Variants in GRID2 observed in about 807,000 individuals in gnomAD.
GRID2 encodes glutamate receptor ionotropic, delta-2.
A neutral mutation model predicts 114.8 loss-of-function variants in GRID2; 33 were observed. The observed-to-expected ratio is 0.29, with a 90% CI of 0.22 to 0.38. The LOEUF (loss-of-function observed/expected upper bound fraction) is 0.38. GRID2 is among the 10% of genes least tolerant of loss of function. The pLI is 1.00. For missense variants in GRID2, 1,184 were observed against 1,257.7 expected (o/e 0.94, Z 0.89); for synonymous variants, 505 against 449.9 (o/e 1.12, Z -1.55).
chr4:93,516,914 C>G (rs1051439385), intron 13 of GRID2, among the ~76,000 whole-genome samples: 1 of 152,074 alleles, frequency 6.6e-6, no homozygotes, highest in African/African-American at 2.4e-5. Context: ...AAAGCTCCCC[C>G]TGCCTTATAA....
intron 13 of GRID2, among the ~76,000 whole-genome samples, chr4:93,612,483 A>G (rs886202525): frequency 2.4e-5 from 3 of 125,770 alleles, no homozygotes; most frequent in Admixed American, 7.9e-5. Context: ...CGCTTCCTTC[A>G]GGAGCTCTTT....
At chr4:93,694,142 A>C (rs1223203072) in intron 14 of GRID2, among the ~76,000 whole-genome samples, 1 of 152,158 alleles carries the variant, frequency 6.6e-6, no homozygotes, top group Non-Finnish European at 1.5e-5. Flanking sequence ...TGAACTCAGT[A>C]ATCACTACAC....
At chr4:93,682,450 T>A (rs1725654088) in intron 14 of GRID2, among the ~76,000 whole-genome samples, 1 of 151,878 alleles carries the variant, frequency 6.6e-6, no homozygotes, top group African/African-American at 2.4e-5. Context: ...CAAAGGACTA[T>A]AAATCATGCT....
chr4:93,300,834 G>A (rs1754795169), intron 8 of GRID2, among the ~76,000 whole-genome samples: 1 of 152,204 alleles, frequency 6.6e-6, no homozygotes, highest in African/African-American at 2.4e-5. Flanking sequence ...TGAAAGTGTT[G>A]TGATTGATTT....
chr4:92,606,753 A>G (rs1466651615), intron 2 of GRID2, among the ~76,000 whole-genome samples: 1 of 151,914 alleles, frequency 6.6e-6, no homozygotes, highest in Non-Finnish European at 1.5e-5. Context: ...TCCTATTTTG[A>G]GTTGCCATTG....
intron 7 of GRID2, among the ~76,000 whole-genome samples, chr4:93,234,881 GC>G (rs1746588827): frequency 6.6e-6 from 1 of 151,958 alleles, no homozygotes; most frequent in South Asian, 2.1e-4. Context: ...ACACACATCT[GC>G]AGGTTACAAG....
chr4:92,783,726 C>T (rs1049329846), intron 2 of GRID2, among the ~76,000 whole-genome samples: 2 of 151,840 alleles, frequency 1.3e-5, no homozygotes, highest in Non-Finnish European at 2.9e-5. Context: ...TTACAAAAAA[C>T]AAACAAAAAA....
In GRID2 at chr4:93,656,746, C is replaced by G. The variant is rs150099448; in HGVS notation, c.2360+30311C>G. On this transcript the variant is annotated intron_variant, in intron 14 of 15. Transcript: ENST00000282020. ...TCGGGAGGCTGAGGCAGGAGAATGCCGTGAACCCGGGAGGCAGAGCTTGCC... is the reference window on the plus strand; with the variant it reads ...TCGGGAGGCTGAGGCAGGAGAATGCGGTGAACCCGGGAGGCAGAGCTTGCC... Among the ~76,000 whole-genome samples the G allele has an allele frequency of 6.5e-3, 813 of 125,110 alleles. 54 individuals carry two copies. Among genetic ancestry groups the G allele is most frequent in the African/African-American group, 0.022 (797 of 35,848 alleles). 82.1% of individuals were successfully genotyped at this position (125,110 alleles called of 152,430 possible).
intron 2 of GRID2, among the ~76,000 whole-genome samples, chr4:92,632,177 A>G (rs1007052355): frequency 6.6e-6 from 1 of 152,150 alleles, no homozygotes; most frequent in Non-Finnish European, 1.5e-5. Context: ...ATCTTTTAGC[A>G]TCCTTGCTAA....
chr4:93,060,100 G>C (rs779337530), intron 2 of GRID2, among the ~76,000 whole-genome samples: 15 of 152,010 alleles, frequency 9.9e-5, no homozygotes, highest in Non-Finnish European at 1.6e-4. Flanking sequence ...TTTTCATGGA[G>C]AGAGTTTGCT....
At chr4:92,963,020 A>G (rs978823677) in intron 2 of GRID2, among the ~76,000 whole-genome samples, 2 of 152,010 alleles carry the variant, frequency 1.3e-5, no homozygotes, top group Admixed American at 6.6e-5. Flanking sequence ...CCACTGTGCT[A>G]TAGTCTCTTA....
intron 13 of GRID2, among the ~76,000 whole-genome samples, chr4:93,619,083 A>G (rs1741975896): frequency 6.6e-6 from 1 of 152,202 alleles, no homozygotes; most frequent in African/African-American, 2.4e-5. Context: ...ATACATTCAT[A>G]TATTCTTTTT....
chr4:92,860,000 G>T (rs962909488), intron 2 of GRID2, among the ~76,000 whole-genome samples: 2 of 152,116 alleles, frequency 1.3e-5, no homozygotes, highest in African/African-American at 4.8e-5. Context: ...GCTGCCTCTA[G>T]CTGAGAACCA....
chr4:92,801,335 T>C (rs914859375), intron 2 of GRID2, among the ~76,000 whole-genome samples: 3 of 152,006 alleles, frequency 2.0e-5, no homozygotes, highest in Non-Finnish European at 4.4e-5. Context: ...TTATGGCATA[T>C]TAATCATATG....
intron 1 of GRID2, among the ~76,000 whole-genome samples, chr4:92,505,274 T>C (rs1192767944): frequency 6.6e-6 from 1 of 152,076 alleles, no homozygotes; most frequent in African/African-American, 2.4e-5. Context: ...TAAAGAATGC[T>C]GTCCATAACT....
At chr4:92,492,543 T>C (rs554242813) in intron 1 of GRID2, among the ~76,000 whole-genome samples, 2 of 152,308 alleles carry the variant, frequency 1.3e-5, no homozygotes, top group East Asian at 3.9e-4. Context: ...TCAGATATTC[T>C]TGGATAGAGA....
intron 2 of GRID2, among the ~76,000 whole-genome samples, chr4:92,813,044 G>A: frequency 6.6e-6 from 1 of 152,054 alleles, no homozygotes; most frequent in Admixed American, 6.6e-5. Flanking sequence ...TAAGATATGT[G>A]TATATACCTT....
At chr4:93,098,944 T>C (rs1449110438) in intron 3 of GRID2, among the ~76,000 whole-genome samples, 5 of 151,278 alleles carry the variant, frequency 3.3e-5, no homozygotes, top group South Asian at 4.1e-4. Flanking sequence ...TCTGGTGACC[T>C]AAAGCATATC....
chr4:92,312,062 G>C (rs1412175330), intron 1 of GRID2, among the ~76,000 whole-genome samples: 1 of 151,778 alleles, frequency 6.6e-6, no homozygotes, highest in Admixed American at 6.6e-5. Context: ...ATCTGATGAA[G>C]AATAATTCAG....
Sources: allele counts gnomAD v4.1 joint callset (sites outside exome capture counted in the v4.1 genomes callset), GRCh38; gene constraint gnomAD v4.1.1; transcripts MANE v1.5; gene names NCBI Gene and HGNC (gene_info 2026-07-23, HGNC 2026-07-21).